COL16A1: variants seen among roughly 807,000 people sequenced by gnomAD.
COL16A1 encodes the protein collagen alpha-1(XVI) chain.
COL16A1 carries 189 observed loss-of-function variants against 266.3 expected under a neutral mutation model. The ratio of observed to expected loss-of-function variants is 0.71; its 90% CI spans 0.63 to 0.80. COL16A1 has a LOEUF of 0.80. COL16A1 is among the 30% of genes least tolerant of loss of function. The probability of loss-of-function intolerance (pLI) is 0.00; values close to 1 mark genes in which losing one functional copy is unlikely to be tolerated. For missense variants in COL16A1, 1,928 were observed against 2,122.4 expected (o/e 0.91, Z 1.80); for synonymous variants, 740 against 782.3 (o/e 0.95, Z 0.90).
intron 19 of COL16A1, 41 bp downstream of exon 19, chr1:31,691,376 C>T (rs1644258658): frequency 6.3e-7 from 1 of 1,592,972 alleles, no homozygotes; most frequent in East Asian, 2.2e-5. Flanking sequence ...GGAGAGCGGT[C>T]TCTGAGAAAA....
At chr1:31,684,972 G>C in intron 29 of COL16A1, 116 bp from the exon 30 acceptor site, 1 of 1,581,152 alleles carries the variant, frequency 6.3e-7, no homozygotes, top group Non-Finnish European at 8.6e-7. Context: ...CTCTGCTTTC[G>C]TGCTAGTGAA....
chr1:31,661,330 C>A, intron 60 of COL16A1, 84 bp downstream of exon 60: 1 of 1,605,826 alleles, frequency 6.2e-7, no homozygotes, highest in Non-Finnish European at 8.5e-7. Context: ...GCCTCTCTGC[C>A]CAGGATAGGC....
intron 55 of COL16A1, 138 bp downstream of exon 55, chr1:31,665,445 C>T (rs1411010489): frequency 7.2e-6 from 11 of 1,523,630 alleles, no homozygotes; most frequent in Middle Eastern, 1.7e-4. Context: ...TGGAATCAGG[C>T]CTGGCCACCC....
intron 2 of COL16A1, chr1:31,701,386 C>A (rs1644719022): frequency 1.0e-6 from 1 of 985,328 alleles, no homozygotes; most frequent in African/African-American, 1.7e-5. Context: ...GCCACACTCA[C>A]CCTGGGTCCA....
chr1:31,695,194 C>G lies in COL16A1; in HGVS notation c.973G>C (p.Asp325His), dbSNP rs993282961. 7 of 1,613,802 alleles carry G rather than the reference C, an allele frequency of 4.3e-6. No homozygotes were observed. The highest frequency in any genetic ancestry group is 5.9e-6 in the Non-Finnish European group (7 of 1,179,984). ...ACCCTCCATTCACTCACATTGCTGT[C>G]CCGGGCACCATGGACACAGGGCGGA... ...ECPPCVHGAR[D>H]SNVTLAPSGP... Residue 325 changes from aspartate (D) to histidine (H), a missense_variant, in exon 11 of 71, where the codon GAC becomes CAC. By Grantham distance (81) the Asp-to-His change is moderately conservative. Transcript: ENST00000373672.
At chr1:31,681,160 C>T (rs749849741) in intron 37 of COL16A1, 93 bp from the exon 38 acceptor site, 62 of 1,493,004 alleles carry the variant, frequency 4.2e-5, no homozygotes, top group Non-Finnish European at 5.2e-5. Flanking sequence ...CAAACAGAAG[C>T]AGCGCCAGGT....
intron 11 of COL16A1, 69 bp downstream of exon 11, chr1:31,695,117 A>C (rs1376606176): frequency 6.4e-7 from 1 of 1,566,980 alleles, no homozygotes; most frequent in Non-Finnish European, 8.8e-7. Context: ...GAGGCTGCCA[A>C]GCCAGCTCTA....
intron 52 of COL16A1, chr1:31,666,478 C>A: frequency 3.8e-6 from 1 of 263,576 alleles, no homozygotes; most frequent in Non-Finnish European, 7.2e-6. Context: ...ACTTCTCCTC[C>A]CTCTCTCCTT....
In COL16A1 at chr1:31,680,916, G is replaced by A. The variant is rs1469735852; in HGVS notation, c.2599C>T (p.Arg867Ter). 8.1e-6 allele frequency: 13 copies of A among 1,614,034 alleles called. No individual in the cohort carries two copies. The highest frequency in any genetic ancestry group is 1.1e-5 in the South Asian group (1 of 91,082). ...CCCTTGGAACTCACCTTCTCTCCTC[G>A]TGGTCCTTTTTCACCCTGCAGGGAA... is the stretch of plus-strand genomic sequence containing the variant. ...LRGTPGEKGPRGEKGEPGECS... is the reference protein window; with the variant it reads ...LRGTPGEKGP Residue 867 changes from arginine (R) to a stop codon, truncating the protein, a stop_gained, in exon 39 of 71, where the codon CGA becomes TGA. Coordinates refer to ENST00000373672, the MANE Select transcript of COL16A1 (RefSeq NM_001856.4). LOFTEE classifies it high-confidence loss of function.
chr1:31,655,182 T>A, intron 67 of COL16A1, 132 bp downstream of exon 67: 1 of 1,419,464 alleles, frequency 7.0e-7, no homozygotes, highest in African/African-American at 1.4e-5. Flanking sequence ...CGCACACAGT[T>A]AAGAGCTGCC....
At chr1:31,658,449 C>T (rs756293418) in intron 64 of COL16A1, 39 bp downstream of exon 64, 11 of 1,535,066 alleles carry the variant, frequency 7.2e-6, no homozygotes, top group Non-Finnish European at 9.8e-6. Context: ...CCAATTGACT[C>T]TTTCCCCCTG....
At chr1:31,674,034 C>T (rs909002) in intron 44 of COL16A1, among the ~76,000 whole-genome samples, 70,766 of 152,042 alleles carry the variant, frequency 0.47, 18,194 homozygotes, top group South Asian at 0.6. Flanking sequence ...GTTTCGTTGC[C>T]ACAACCTCAC....
chr1:31,698,396 C>A lies in COL16A1; in HGVS notation c.390+87G>T. On this transcript the variant is annotated intron_variant, in intron 5 of 70. Coordinates refer to ENST00000373672, the MANE Select transcript of COL16A1 (RefSeq NM_001856.4). The surrounding 1 kb of genome is among the most constrained non-coding windows in gnomAD (Gnocchi z 4.1). Reference sequence around the variant, plus strand: ...AGGCACAGGATGGAGCAGGGAGACCCCAGAAGTCACAAGCCGGGATGAAAG... The same window carrying A: ...AGGCACAGGATGGAGCAGGGAGACCACAGAAGTCACAAGCCGGGATGAAAG... The A allele has an allele frequency of 6.3e-7, 1 of 1,583,546 alleles. No individual in the cohort carries two copies. The highest frequency in any genetic ancestry group is 8.6e-7 in the Non-Finnish European group (1 of 1,163,452).
Position 31,697,511 on chromosome 1 carries a change from A to C in COL16A1, c.658-211T>G, listed in dbSNP as rs1350385159. ...GGGAGAGGAGGCCCAGAGGAACAAA[A>C]GAGGAGGAGGTTCCATTCATGCTGG... On this transcript the variant is annotated intron_variant, in intron 6 of 70. Transcript: ENST00000373672. This position sits in a 1 kb window ranked among gnomAD's most constrained non-coding sequence, Gnocchi z 4.2. Among the ~76,000 whole-genome samples, 1 of 152,168 alleles carries C rather than the reference A, an allele frequency of 6.6e-6. No individual in the cohort carries two copies. The highest frequency in any genetic ancestry group is 1.5e-5 in the Non-Finnish European group (1 of 68,020).
At chr1:31,658,729 G>A in intron 63 of COL16A1, 152 bp from the exon 64 acceptor site, 3 of 1,042,842 alleles carry the variant, frequency 2.9e-6, no homozygotes, top group Non-Finnish European at 4.3e-6. Context: ...ATGACCTCCA[G>A]CCCTCTCCAA....
chr1:31,656,839 AAG>A lies in COL16A1; in HGVS notation c.4056+192_4056+193del. 3.2e-6 allele frequency: 2 copies of A among 631,114 alleles called. No individual in the cohort carries two copies. The highest frequency in any genetic ancestry group is 2.4e-5 in the South Asian group (1 of 42,008). The allele number at this position is 631,114 out of a possible 1,614,324, so 39.1% of individuals were successfully genotyped here. On this transcript the variant is annotated intron_variant, in intron 65 of 70. Coordinates refer to ENST00000373672, the MANE Select transcript of COL16A1 (RefSeq NM_001856.4). The surrounding 1 kb of genome is among the most constrained non-coding windows in gnomAD (Gnocchi z 4.2). ...TACAGGGTTTAAAAAAAAAAAAAAAAAGGTAAAACAAATCTCACTCCCATCCT... is the reference window on the plus strand; with the variant it reads ...TACAGGGTTTAAAAAAAAAAAAAAAAGTAAAACAAATCTCACTCCCATCCT...
chr1:31,681,533 C>T (rs1043784911), intron 37 of COL16A1, among the ~76,000 whole-genome samples: 1 of 152,236 alleles, frequency 6.6e-6, no homozygotes, highest in Non-Finnish European at 1.5e-5. Flanking sequence ...TCAGCCCCTC[C>T]AAGAAATTGG....
rs774662617 is a variant in COL16A1 at position 31,694,222 on chromosome 1, G to A, written c.982-52C>T. 7.2e-6 allele frequency: 11 copies of A among 1,519,224 alleles called. No homozygotes were observed. In the South Asian group the frequency reaches 1.4e-4, roughly 19 times the overall value. The allele number at this position is 1,519,224 out of a possible 1,614,324, so 94.1% of individuals were successfully genotyped here. On this transcript the variant is annotated intron_variant, in intron 11 of 70. Coordinates refer to ENST00000373672, the MANE Select transcript of COL16A1 (RefSeq NM_001856.4). ...CACTTCCGGTAGAGAGAGAAAACCA[G>A]GGGCCCAGAGAAGTCAAGCAATTTA...
intron 43 of COL16A1, 28 bp downstream of exon 43, chr1:31,675,230 T>C: frequency 6.2e-7 from 1 of 1,614,168 alleles, no homozygotes; most frequent in South Asian, 1.1e-5. Flanking sequence ...GGAAGGGGCA[T>C]GCACAGGGAG....
Sources: allele counts gnomAD v4.1 joint callset (sites outside exome capture counted in the v4.1 genomes callset), GRCh38; gene constraint gnomAD v4.1.1; non-coding constraint Gnocchi (gnomAD v3.1); transcripts MANE v1.5; gene names NCBI Gene and HGNC (gene_info 2026-07-23, HGNC 2026-07-21).